Variants in SDK1 observed in about 807,000 individuals in gnomAD.
SDK1 encodes the protein sidekick cell adhesion molecule 1.
A neutral mutation model predicts 245.5 loss-of-function variants in SDK1; 157 were observed. That is an observed-to-expected ratio of 0.64 (90% CI 0.56 to 0.73). The LOEUF (loss-of-function observed/expected upper bound fraction) is 0.73. Ranked by LOEUF, SDK1 falls within the 30% of genes least tolerant of loss-of-function variation. The probability of loss-of-function intolerance (pLI) is 0.00; values close to 1 mark genes in which losing one functional copy is unlikely to be tolerated. For missense variants in SDK1, 3,583 were observed against 3,002.3 expected (o/e 1.19, Z -4.52); for synonymous variants, 1,647 against 1,278.5 (o/e 1.29, Z -6.15).
At chr7:3,693,027 A>G (rs1784477562) in intron 4 of SDK1, among the ~76,000 whole-genome samples, 1 of 152,060 alleles carries the variant, frequency 6.6e-6, no homozygotes, top group Middle Eastern at 3.2e-3. Context: ...TTTTTACAAA[A>G]TAAATGAACA....
Position 3,524,029 on chromosome 7 carries a change from C to T in SDK1, c.299-95051C>T, listed in dbSNP as rs867326161. On this transcript the variant is annotated intron_variant, in intron 1 of 44. Coordinates refer to ENST00000404826, the MANE Select transcript of SDK1 (RefSeq NM_152744.4). ...GAAGCCTGTGGTGCCTGGCCTGAGT[C>T]AGCTCATTAGCTTCATTGACAACAT... is the stretch of plus-strand genomic sequence containing the variant. Among the ~76,000 whole-genome samples, 26 of 152,308 alleles carry T rather than the reference C, an allele frequency of 1.7e-4. 1 individual carries two copies. In the Middle Eastern group the frequency reaches 0.01, roughly 60 times the overall value.
At chr7:3,708,267 C>G (rs911555718) in intron 4 of SDK1, among the ~76,000 whole-genome samples, 1 of 152,118 alleles carries the variant, frequency 6.6e-6, no homozygotes, top group African/African-American at 2.4e-5. Context: ...TCATGAGAAA[C>G]CCACCTCCAA....
chr7:3,767,823 CA>C (rs1282862269), intron 4 of SDK1, among the ~76,000 whole-genome samples: 2 of 151,586 alleles, frequency 1.3e-5, no homozygotes, highest in East Asian at 1.9e-4. Flanking sequence ...TGGAAGGAAA[CA>C]AAAAAAATAG....
intron 4 of SDK1, among the ~76,000 whole-genome samples, chr7:3,738,274 A>G (rs1027566668): frequency 6.6e-6 from 1 of 152,342 alleles, no homozygotes; most frequent in East Asian, 1.9e-4. Context: ...GTGGATGTGC[A>G]GTTTTCCCAA....
chr7:3,480,226 G>T (rs1021333679), intron 1 of SDK1, among the ~76,000 whole-genome samples: 4 of 152,210 alleles, frequency 2.6e-5, no homozygotes, highest in African/African-American at 9.6e-5. Context: ...GAAGGATTCA[G>T]CAGGTCATTG....
intron 1 of SDK1, among the ~76,000 whole-genome samples, chr7:3,550,551 C>T (rs933862202): frequency 5.9e-5 from 9 of 152,184 alleles, no homozygotes; most frequent in African/African-American, 2.2e-4. Flanking sequence ...CCGTGGAATA[C>T]TTCTTTGCCT....
At chr7:3,816,858 G>T (rs902109989) in intron 4 of SDK1, among the ~76,000 whole-genome samples, 5 of 146,312 alleles carry the variant, frequency 3.4e-5, no homozygotes, top group African/African-American at 1.0e-4. Context: ...TTTTGAAGTG[G>T]TTTTTTTTTT....
chr7:3,766,850 A>G (rs963871335), intron 4 of SDK1, among the ~76,000 whole-genome samples: 49 of 152,228 alleles, frequency 3.2e-4, no homozygotes, highest in African/African-American at 1.1e-3. Flanking sequence ...AAAGATATAA[A>G]TGAGTAATTA....
Position 3,596,699 on chromosome 7 carries a change from A to G in SDK1, c.299-22381A>G, listed in dbSNP as rs10258943. ...CTTGAATTTCATATGAAGGAAATCA[A>G]AATGTTAAAAGAAGAACTTCAGACA... On this transcript the variant is annotated intron_variant, in intron 1 of 44. Transcript: ENST00000404826. 3.0e-3 allele frequency among the ~76,000 whole-genome samples: 453 copies of G among 152,346 alleles called. 3 individuals carry two copies. The highest frequency in any genetic ancestry group is 9.8e-3 in the African/African-American group (407 of 41,572).
intron 37 of SDK1, 73 bp downstream of exon 37, chr7:4,208,358 C>T: frequency 1.4e-6 from 2 of 1,416,690 alleles, no homozygotes; most frequent in Non-Finnish European, 9.8e-7. Flanking sequence ...CTCAGGTCCC[C>T]TCACACAGTG....
intron 5 of SDK1, among the ~76,000 whole-genome samples, chr7:3,840,884 C>G (rs1226055735): frequency 6.6e-6 from 1 of 152,182 alleles, no homozygotes; most frequent in Admixed American, 6.5e-5. Flanking sequence ...TGTGTTTTAT[C>G]AAGCTCTCCC....
intron 4 of SDK1, among the ~76,000 whole-genome samples, chr7:3,764,279 A>T (rs1045064103): frequency 6.6e-6 from 1 of 152,160 alleles, no homozygotes; most frequent in African/African-American, 2.4e-5. Flanking sequence ...AATGCTTTAA[A>T]ACTTGATCTA....
Position 3,329,884 on chromosome 7 carries a change from C to T in SDK1, c.298+28000C>T, listed in dbSNP as rs1433640638. On this transcript the variant is annotated intron_variant, in intron 1 of 44. Transcript: ENST00000404826. ...TTATTAGGTATTATAAGTAATCTAG[C>T]GATGACTTAATATATGAGAGGGTGT... 8.5e-5 allele frequency among the ~76,000 whole-genome samples: 13 copies of T among 152,242 alleles called. No homozygotes were observed. The East Asian group carries it at 1.5e-3, about 18-fold the overall frequency.
At chr7:4,094,354 G>C (rs772429517) in intron 22 of SDK1, among the ~76,000 whole-genome samples, 1 of 152,166 alleles carries the variant, frequency 6.6e-6, no homozygotes, top group African/African-American at 2.4e-5. Flanking sequence ...GAGCCACCGC[G>C]CCCGGCCCAG....
At chr7:3,959,048 T>C (rs757404011) in intron 8 of SDK1, 34 bp downstream of exon 8, 2 of 1,505,158 alleles carry the variant, frequency 1.3e-6, no homozygotes, top group Admixed American at 1.7e-5. Flanking sequence ...CAAGGAGCCA[T>C]GACTGGGAGG....
At chr7:3,594,963 G>C (rs530078612) in intron 1 of SDK1, among the ~76,000 whole-genome samples, 8 of 152,266 alleles carry the variant, frequency 5.3e-5, no homozygotes, top group Non-Finnish European at 1.2e-4. Flanking sequence ...TTTATGTGTA[G>C]AGCACTCATT....
At chr7:3,893,322 C>T (rs1185548903) in intron 5 of SDK1, among the ~76,000 whole-genome samples, 1 of 152,150 alleles carries the variant, frequency 6.6e-6, no homozygotes, top group East Asian at 1.9e-4. Flanking sequence ...CTGTCTGCTC[C>T]TGGTCAGGAT....
chr7:3,359,515 T>A lies in SDK1; in HGVS notation c.298+57631T>A, dbSNP rs1026492033. On this transcript the variant is annotated intron_variant, in intron 1 of 44. Transcript: ENST00000404826. ...AGCCTTTAGTTTTTAATTTTTTGAT[T>A]GTCTATTTTTGCTTGTTTGTGATGA... Among the ~76,000 whole-genome samples, 7 of 152,238 alleles carry A rather than the reference T, an allele frequency of 4.6e-5. No individual in the cohort carries two copies. In the East Asian group the frequency reaches 1.4e-3, roughly 29 times the overall value.
At chr7:4,146,797 A>G (rs898993657) in intron 29 of SDK1, among the ~76,000 whole-genome samples, 19 of 152,230 alleles carry the variant, frequency 1.2e-4, no homozygotes, top group African/African-American at 3.6e-4. Context: ...CACTTGGCCT[A>G]TCCTTCCTGC....
Sources: gnomAD v4.1 joint callset for allele counts (sites outside exome capture counted in the v4.1 genomes callset) on GRCh38, gnomAD v4.1.1 for gene constraint, MANE v1.5 for transcripts, NCBI Gene and HGNC (gene_info 2026-07-23, HGNC 2026-07-21) for gene names.